Variants in DCTN1 observed in about 807,000 individuals in gnomAD.
DCTN1 encodes the protein 150 kDa dynein-associated polypeptide.
Under a neutral mutation model 161.2 loss-of-function variants are expected in DCTN1, and 61 were observed. The observed-to-expected ratio is 0.38, with a 90% CI of 0.31 to 0.47. The LOEUF is 0.47. Among genes scored for constraint, DCTN1 ranks in the 20% least tolerant of loss-of-function variants. The pLI is 0.99. For missense variants in DCTN1, 1,404 were observed against 1,623.7 expected, an observed-to-expected ratio of 0.86 and a Z score of 2.33; for synonymous variants, 653 against 632.4, an observed-to-expected ratio of 1.03 and a Z score of -0.49.
Position 74,367,375 on chromosome 2 carries a change from T to G in DCTN1, c.2230A>C (p.Met744Leu). 1.2e-6 allele frequency: 2 copies of G among 1,614,114 alleles called. No homozygotes were observed. The highest frequency in any genetic ancestry group is 1.7e-6 in the Non-Finnish European group (2 of 1,180,022). Residue 744 changes from methionine to leucine, a missense_variant, in exon 19 of 32, where the codon ATG becomes CTG. Met to Leu is a conservative substitution (Grantham distance 15). This residue lies in a region of DCTN1 where 475 missense variants were observed against 489.8 expected (regional missense o/e 0.97). Coordinates refer to ENST00000628224, the MANE Select transcript of DCTN1 (RefSeq NM_004082.5). ...ACCTTAATGTGGTCAGCCAGCTGCATAGTACAGTCCTCAGGCTGTTCGGCA... is the reference window on the plus strand; with the variant it reads ...ACCTTAATGTGGTCAGCCAGCTGCAGAGTACAGTCCTCAGGCTGTTCGGCA... ...HLAEQPEDCT[M>L]QLADHIKFTQ...
Position 74,368,072 on chromosome 2 carries a change from C to T in DCTN1, c.1914G>A (p.Glu638=). 2 of 1,610,700 alleles carry T rather than the reference C, an allele frequency of 1.2e-6. No individual in the cohort carries two copies. The highest frequency in any genetic ancestry group is 1.7e-6 in the Non-Finnish European group (2 of 1,178,318). ...CAGCAGCTCCTCGCAGCCCAGGCCG[C>T]TCTGAACAGTTCTCACTTAGTTCAA... ...EKFELSENCS[E]RPGLRGAAGE... Residue 638 remains glutamate, a synonymous_variant, in exon 17 of 32, where the codon GAG becomes GAA. Coordinates refer to ENST00000628224, the MANE Select transcript of DCTN1 (RefSeq NM_004082.5).
At chr2:74,364,308 T>C (rs1247068037) in intron 26 of DCTN1, 2 of 158,664 alleles carry the variant, frequency 1.3e-5, no homozygotes, top group African/African-American at 2.4e-5. Flanking sequence ...TCAAAGACTC[T>C]ATGTAGGTGA....
chr2:74,381,342 G>A (rs1675501317), upstream of DCTN1, among the ~76,000 whole-genome samples: 2 of 152,146 alleles, frequency 1.3e-5, no homozygotes, highest in Non-Finnish European at 2.9e-5. Flanking sequence ...TCTGCACTGG[G>A]CTTACTTCAC....
At chr2:74,371,904 C>G (rs898077372) in intron 7 of DCTN1, 176 bp from the exon 8 acceptor site, 20 of 603,688 alleles carry the variant, frequency 3.3e-5, no homozygotes, top group Admixed American at 5.4e-5. Context: ...GAAAATGATA[C>G]AGAGAGGCAG....
At chr2:74,367,930 T>A in intron 17 of DCTN1, 41 bp downstream of exon 17, 1 of 1,614,204 alleles carries the variant, frequency 6.2e-7, no homozygotes, top group East Asian at 2.2e-5. Flanking sequence ...TGGCCAATCC[T>A]GGACCCCCAC....
At chr2:74,387,789 A>C (rs1021806221) in intron 1 of DCTN1, among the ~76,000 whole-genome samples, 1 of 152,186 alleles carries the variant, frequency 6.6e-6, no homozygotes, top group Non-Finnish European at 1.5e-5. Context: ...TTCCACATTT[A>C]GCTTCCCAAA....
intron 8 of DCTN1, 30 bp from the exon 9 acceptor site, chr2:74,371,206 A>G (rs1036746565): frequency 4.3e-6 from 7 of 1,611,290 alleles, no homozygotes; most frequent in East Asian, 2.2e-5. Context: ...CGGTCTGTGC[A>G]CAGCCCACTC....
At chr2:74,371,227 C>T (rs756044425) in intron 8 of DCTN1, 51 bp from the exon 9 acceptor site, 1 of 1,609,346 alleles carries the variant, frequency 6.2e-7, no homozygotes, top group South Asian at 1.1e-5. Flanking sequence ...CTCCTCTCCA[C>T]CAACACTGAG....
At chr2:74,368,549 T>G (rs1361862801) in intron 16 of DCTN1, 179 bp downstream of exon 16, 2 of 831,878 alleles carry the variant, frequency 2.4e-6, no homozygotes, top group Admixed American at 4.2e-5. Context: ...ACAGAACCTA[T>G]CTCTCCTTGA....
chr2:74,367,638 C>A, intron 18 of DCTN1, 58 bp downstream of exon 18: 4 of 1,610,376 alleles, frequency 2.5e-6, no homozygotes, highest in East Asian at 2.2e-5. Context: ...TAGTAAGAGC[C>A]CCCATCAAGT....
At chr2:74,381,620 T>C (rs753363841), upstream of DCTN1, among the ~76,000 whole-genome samples, 5 of 152,160 alleles carry the variant, frequency 3.3e-5, no homozygotes, top group South Asian at 2.1e-4. Context: ...CTTTACAGTC[T>C]ATAGGACACC....
In DCTN1 at chr2:74,378,208, G is replaced by A. The variant is rs1675337694; in HGVS notation, c.71C>T (p.Ala24Val). ...SGSRMSAEASARPLRVGSRVE... is the reference protein window; with the variant it reads ...SGSRMSAEASVRPLRVGSRVE... ...ACGGGAGCCCACCCGCAGAGGCCGGGCGCTTGCCTCCGCACTCATCCTGCT... is the reference window on the plus strand; with the variant it reads ...ACGGGAGCCCACCCGCAGAGGCCGGACGCTTGCCTCCGCACTCATCCTGCT... The change falls in exon 2 of 32, where the codon GCC becomes GTC. Residue 24 changes from alanine to valine, a missense_variant. Transcript: ENST00000628224. 1.2e-6 allele frequency: 2 copies of A among 1,611,996 alleles called. No homozygotes were observed. Among genetic ancestry groups the A allele is most frequent in the African/African-American group, 1.3e-5 (1 of 75,072 alleles).
Position 74,371,621 on chromosome 2 carries a change from A to G in DCTN1, c.561T>C (p.Ala187=). 6.3e-7 allele frequency: 1 copy of G among 1,590,756 alleles called. No homozygotes were observed. Among genetic ancestry groups the G allele is most frequent in the Non-Finnish European group, 8.6e-7 (1 of 1,169,486 alleles). Residue 187 remains alanine (A), a synonymous_variant, in exon 8 of 32, where the codon GCT becomes GCC. Transcript: ENST00000628224. ...TGATGGGTGCTGCCAGCGGAGTCTG[A>G]GCCGGGGTGCTGGGCTCACTGCTGC... The part of the protein sequence containing the change: ...ELSSSEPSTP[A]QTPLAAPIIP...
At chr2:74,377,612 G>A in intron 3 of DCTN1, 36 bp downstream of exon 3, 1 of 1,581,512 alleles carries the variant, frequency 6.3e-7, no homozygotes, top group Non-Finnish European at 8.7e-7. Flanking sequence ...ACTCCTCCTG[G>A]CTATGGGGAG....
chr2:74,376,421 C>T (rs1657605378), intron 5 of DCTN1, among the ~76,000 whole-genome samples: 2 of 152,216 alleles, frequency 1.3e-5, no homozygotes, highest in South Asian at 2.1e-4. Context: ...TAAGTGAGAA[C>T]ACACTGTAAC....
Position 74,369,549 on chromosome 2 carries a change from GT to G in DCTN1, c.1393-59del. ...AAGGCAGGGTCGGCCAGCGGCGGTGGTTCACACCTGTAATCCCAGCACTTTG... is the reference window on the plus strand; with the variant it reads ...AAGGCAGGGTCGGCCAGCGGCGGTGGTCACACCTGTAATCCCAGCACTTTG... On this transcript the variant is annotated intron_variant, in intron 13 of 31. Coordinates refer to ENST00000628224, the MANE Select transcript of DCTN1 (RefSeq NM_004082.5). This position sits in a 1 kb window ranked among gnomAD's most constrained non-coding sequence, Gnocchi z 4.9. The G allele has an allele frequency of 6.4e-7, 1 of 1,555,508 alleles. No homozygotes were observed. The highest frequency in any genetic ancestry group is 8.8e-7 in the Non-Finnish European group (1 of 1,138,186).
chr2:74,382,869 G>A (rs1010139913), upstream of DCTN1, among the ~76,000 whole-genome samples: 20 of 151,594 alleles, frequency 1.3e-4, no homozygotes, highest in South Asian at 2.1e-4. Context: ...TCAGGAGATC[G>A]AGACCATCCT....
chr2:74,386,294 C>T (rs542931303), intron 1 of DCTN1, among the ~76,000 whole-genome samples: 18 of 152,242 alleles, frequency 1.2e-4, no homozygotes, highest in East Asian at 9.6e-4. Context: ...TTTCTGCAGA[C>T]GTAAGAGATT....
At position 74,363,054 on chromosome 2, in the gene DCTN1, C is replaced by T; in HGVS notation, c.3469G>A (p.Glu1157Lys). 6.2e-7 allele frequency: 1 copy of T among 1,613,954 alleles called. No homozygotes were observed. The highest frequency in any genetic ancestry group is 8.5e-7 in the Non-Finnish European group (1 of 1,179,928). ...TGTGTGCTCAATTGATTCAATGTCT[C>T]CAGCAGCTGGCTGGTCTTACGATAC... ...ALYRKTSQLL[E>K]TLNQLSTHTH... The change falls in exon 29 of 32, where the codon GAG becomes AAG. Residue 1157 changes from glutamate (E) to lysine (K), a missense_variant. Physicochemically the swap from Glu to Lys is moderately conservative, Grantham distance 56. Coordinates refer to ENST00000628224, the MANE Select transcript of DCTN1 (RefSeq NM_004082.5).
Sources: allele counts gnomAD v4.1 joint callset (sites outside exome capture counted in the v4.1 genomes callset), GRCh38; gene constraint gnomAD v4.1.1; regional missense constraint gnomAD v4.1.1; non-coding constraint Gnocchi (gnomAD v3.1); transcripts MANE v1.5; gene names NCBI Gene and HGNC (gene_info 2026-07-23, HGNC 2026-07-21).